Variants in TSPAN14 observed in about 807,000 individuals in gnomAD.
TSPAN14 encodes the protein tetraspanin-14.
TSPAN14 carries 16 observed loss-of-function variants against 36.6 expected under a neutral mutation model. That is an observed-to-expected ratio of 0.44 (90% CI 0.30 to 0.66). The LOEUF (loss-of-function observed/expected upper bound fraction) is 0.66. Among genes scored for constraint, TSPAN14 ranks in the 30% least tolerant of loss-of-function variants. The pLI is 0.12. For missense variants in TSPAN14, 231 were observed against 355.1 expected (o/e 0.65, Z 2.81); for synonymous variants, 139 against 143.8 (o/e 0.97, Z 0.24).
At chr10:80,508,575 C>T (rs1840439025) in intron 4 of TSPAN14, among the ~76,000 whole-genome samples, 1 of 152,116 alleles carries the variant, frequency 6.6e-6, no homozygotes, top group African/African-American at 2.4e-5. Flanking sequence ...CTGCACTGGC[C>T]CCTTGCAGAA....
At chr10:80,504,608 C>CATGTGGG in intron 2 of TSPAN14, 120 bp from the exon 3 acceptor site, 1 of 1,156,940 alleles carries the variant, frequency 8.6e-7, no homozygotes, top group Non-Finnish European at 1.3e-6. Context: ...CCTGAGGGGC[C>CATGTGGG]ATGTGGGATG....
In TSPAN14 at chr10:80,507,093, C is replaced by G. The variant is rs960420975; in HGVS notation, c.133-135C>G. On this transcript the variant is annotated intron_variant, in intron 3 of 8. Coordinates refer to ENST00000429989, the Ensembl canonical transcript of TSPAN14. The stretch of plus-strand genomic sequence containing the variant: ...CTAAGGGCATGGATGGGGCCGGACT[C>G]TGGCCTGGCTGTCAACAAGAGGGCT... 2.5e-6 allele frequency: 3 copies of G among 1,200,982 alleles called. No individual in the cohort carries two copies. The African/African-American group carries it at 4.5e-5, about 18-fold the overall frequency. The allele number at this position is 1,200,982 out of a possible 1,614,324, so 74.4% of individuals were successfully genotyped here. A position where few individuals can be genotyped will look rare whatever the true frequency, so the allele number is the denominator to read the frequency against.
chr10:80,490,857 G>A (rs1203380024), intron 2 of TSPAN14, among the ~76,000 whole-genome samples: 1 of 152,182 alleles, frequency 6.6e-6, no homozygotes, highest in Non-Finnish European at 1.5e-5. Flanking sequence ...GTGCAGGAGG[G>A]CCTGGGGACA....
chr10:80,479,385 G>A (rs1301107640), intron 1 of TSPAN14, among the ~76,000 whole-genome samples: 1 of 151,900 alleles, frequency 6.6e-6, no homozygotes, highest in Admixed American at 6.6e-5. Context: ...TGTCCTGAAT[G>A]GTAATGCCTA....
chr10:80,473,727 T>TG (rs1846694939), intron 1 of TSPAN14, among the ~76,000 whole-genome samples: 1 of 151,634 alleles, frequency 6.6e-6, no homozygotes, highest in Non-Finnish European at 1.5e-5. Flanking sequence ...TTTTTCTTTT[T>TG]TGTTGGAAAC....
At chr10:80,455,451 A>C (rs572920041) in intron 1 of TSPAN14, among the ~76,000 whole-genome samples, 2 of 152,050 alleles carry the variant, frequency 1.3e-5, no homozygotes, top group African/African-American at 4.8e-5. Flanking sequence ...TCTCCAGGGG[A>C]TCTTCCTCCC....
chr10:80,489,187 C>A, intron 1 of TSPAN14, 30 bp from the exon 2 acceptor site: 1 of 1,436,904 alleles, frequency 7.0e-7, no homozygotes, highest in Non-Finnish European at 9.6e-7. Context: ...GCTGAGCCTG[C>A]CATCTCACTA....
At chr10:80,511,746 CT>C (rs1354737501) in intron 5 of TSPAN14, among the ~76,000 whole-genome samples, 8 of 148,274 alleles carry the variant, frequency 5.4e-5, no homozygotes, top group African/African-American at 1.2e-4. Context: ...CTCTCTCTCT[CT>C]CTCTCTCTCT....
At chr10:80,492,321 A>G (rs1847962484) in intron 2 of TSPAN14, among the ~76,000 whole-genome samples, 1 of 152,182 alleles carries the variant, frequency 6.6e-6, no homozygotes, top group Non-Finnish European at 1.5e-5. Context: ...GCCCAGGTAG[A>G]TGATTTTGCA....
intron 5 of TSPAN14, among the ~76,000 whole-genome samples, chr10:80,511,402 C>T (rs1344306765): frequency 6.6e-6 from 1 of 152,168 alleles, no homozygotes; most frequent in African/African-American, 2.4e-5. Flanking sequence ...GAACACTGCA[C>T]ACTAGGAAGT....
At chr10:80,503,939 G>T (rs988017196) in intron 2 of TSPAN14, among the ~76,000 whole-genome samples, 1 of 152,198 alleles carries the variant, frequency 6.6e-6, no homozygotes, top group African/African-American at 2.4e-5. Context: ...ATATGGAAAA[G>T]CCCTCCCTGG....
rs567584484 is a variant in TSPAN14 at position 80,463,573 on chromosome 10, A to G, written c.-18+9202A>G. Among the ~76,000 whole-genome samples the G allele has an allele frequency of 3.3e-5, 5 of 152,312 alleles. No homozygotes were observed. In the East Asian group the frequency reaches 9.6e-4, roughly 29 times the overall value. Reference sequence around the variant, plus strand: ...CATTTTAGCACACATAGTTTAGTCCATTCTTTTTAACAGCAGTGCATGATT... The same window carrying G: ...CATTTTAGCACACATAGTTTAGTCCGTTCTTTTTAACAGCAGTGCATGATT... On this transcript the variant is annotated intron_variant, in intron 1 of 8. Transcript: ENST00000429989.
chr10:80,516,544 C>T (rs934950216), intron 8 of TSPAN14, among the ~76,000 whole-genome samples: 1 of 152,114 alleles, frequency 6.6e-6, no homozygotes, highest in Non-Finnish European at 1.5e-5. Context: ...TAGGGGGGCC[C>T]TCTGGGCGGG....
chr10:80,483,483 T>C (rs1400355941), intron 1 of TSPAN14, among the ~76,000 whole-genome samples: 2 of 152,206 alleles, frequency 1.3e-5, no homozygotes, highest in Non-Finnish European at 2.9e-5. Flanking sequence ...AGTTTATTGA[T>C]TAAGGGTGTG....
intron 2 of TSPAN14, among the ~76,000 whole-genome samples, chr10:80,492,251 C>A (rs1053947544): frequency 6.6e-6 from 1 of 152,122 alleles, no homozygotes; most frequent in Non-Finnish European, 1.5e-5. Flanking sequence ...CATGTTCCCA[C>A]CATCTAGCTT....
chr10:80,456,725 A>G (rs551039091), intron 1 of TSPAN14, among the ~76,000 whole-genome samples: 8 of 152,370 alleles, frequency 5.3e-5, no homozygotes, highest in African/African-American at 1.9e-4. Flanking sequence ...ATTGAGACTT[A>G]CACCCTAGAA....
At position 80,509,481 on chromosome 10, in the gene TSPAN14, T is replaced by C; in HGVS notation, c.450+10T>C. On this transcript the variant is annotated intron_variant, in intron 5 of 8. Transcript: ENST00000429989. This position sits in a 1 kb window ranked among gnomAD's most constrained non-coding sequence, Gnocchi z 4.7. ...CTCCCTTCAGAAAGCTGTAAGCACC[T>C]CCCCAGCGGGCCCCCGATAGAGCAT... 1 of 1,612,466 alleles carries C rather than the reference T, an allele frequency of 6.2e-7. No individual in the cohort carries two copies. The highest frequency in any genetic ancestry group is 8.5e-7 in the Non-Finnish European group (1 of 1,179,334).
chr10:80,456,730 C>T (rs897280690), intron 1 of TSPAN14, among the ~76,000 whole-genome samples: 1 of 152,196 alleles, frequency 6.6e-6, no homozygotes. Flanking sequence ...GACTTACACC[C>T]TAGAAGTTTG....
At chr10:80,484,492 A>G (rs192616973) in intron 1 of TSPAN14, among the ~76,000 whole-genome samples, 1 of 151,964 alleles carries the variant, frequency 6.6e-6, no homozygotes, top group East Asian at 1.9e-4. Context: ...TAATTTTTGT[A>G]CTTTTTGTAG....
Sources: allele counts gnomAD v4.1 joint callset (sites outside exome capture counted in the v4.1 genomes callset), GRCh38; gene constraint gnomAD v4.1.1; non-coding constraint Gnocchi (gnomAD v3.1); transcripts MANE v1.5; gene names NCBI Gene and HGNC (gene_info 2026-07-23, HGNC 2026-07-21).